Variants in ADAM32 observed in about 807,000 individuals in gnomAD.
The protein encoded by ADAM32 is ADAM metallopeptidase domain 32.
Under a neutral mutation model 114.9 loss-of-function variants are expected in ADAM32, and 89 were observed. That is an observed-to-expected ratio of 0.77 (90% confidence interval 0.65 to 0.92). The LOEUF is 0.92. Among genes scored for constraint, ADAM32 ranks in the 40% least tolerant of loss-of-function variants. The pLI, the probability that ADAM32 is intolerant of heterozygous loss-of-function variation, is 0.00. For missense variants in ADAM32, 870 were observed against 932.8 expected, an observed-to-expected ratio of 0.93 and a Z score of 0.88; for synonymous variants, 285 against 307.5, an observed-to-expected ratio of 0.93 and a Z score of 0.77.
At chr8:39,266,830 T>C (rs1812390286) in intron 19 of ADAM32, among the ~76,000 whole-genome samples, 1 of 152,222 alleles carries the variant, frequency 6.6e-6, no homozygotes, top group South Asian at 2.1e-4. Context: ...AGCTTTCTGC[T>C]TTTACATTCT....
intron 11 of ADAM32, among the ~76,000 whole-genome samples, chr8:39,192,648 G>T (rs949873097): frequency 8.5e-5 from 13 of 152,192 alleles, no homozygotes; most frequent in African/African-American, 3.1e-4. Context: ...GTAGTGGCTG[G>T]TAACGGTCTT....
intron 14 of ADAM32, among the ~76,000 whole-genome samples, chr8:39,230,822 T>C (rs1809691455): frequency 6.6e-6 from 1 of 152,154 alleles, no homozygotes; most frequent in Non-Finnish European, 1.5e-5. Context: ...GGAGAGGGAT[T>C]AGATGGGAAT....
chr8:39,154,825 G>C (rs1804042746), intron 6 of ADAM32, among the ~76,000 whole-genome samples: 1 of 150,782 alleles, frequency 6.6e-6, no homozygotes, highest in Non-Finnish European at 1.5e-5. Context: ...ATGTTTGTTG[G>C]TTGCATAAAT....
intron 10 of ADAM32, among the ~76,000 whole-genome samples, chr8:39,174,704 T>C (rs921787938): frequency 1.6e-4 from 22 of 141,444 alleles, no homozygotes; most frequent in African/African-American, 5.5e-4. Context: ...AGTTTTTTTT[T>C]CTAATTCTGT....
At chr8:39,171,440 TTC>T (rs1805183817) in intron 10 of ADAM32, among the ~76,000 whole-genome samples, 1 of 152,186 alleles carries the variant, frequency 6.6e-6, no homozygotes, top group Non-Finnish European at 1.5e-5. Context: ...CTTCGTGTGT[TTC>T]TCTGTTTATC....
intron 24 of ADAM32, among the ~76,000 whole-genome samples, chr8:39,284,376 C>T (rs986601564): frequency 5.6e-5 from 8 of 143,468 alleles, no homozygotes; most frequent in South Asian, 2.1e-4. Flanking sequence ...CACACACACA[C>T]GTACACACAC....
chr8:39,141,336 A>C (rs941269149), intron 3 of ADAM32, among the ~76,000 whole-genome samples: 3 of 152,276 alleles, frequency 2.0e-5, no homozygotes, highest in East Asian at 1.9e-4. Context: ...TAGTGCTATA[A>C]ATTTCCCTCT....
In ADAM32 at chr8:39,186,924, A is replaced by T; in HGVS notation, c.931A>T (p.Thr311Ser). Residue 311 changes from threonine (T) to serine (S), a missense_variant, in exon 11 of 25, where the codon ACT becomes TCT. Transcript: ENST00000379907. ...GTTATTATAGTACCCCAAGGAGATA[A>T]CTCTGGAGGCATTTGCAGTTATTGT... Reference protein sequence around the residue: ...AGVALYPKEITLEAFAVIVTQ... With the variant: ...AGVALYPKEISLEAFAVIVTQ... 6.2e-7 allele frequency: 1 copy of T among 1,610,774 alleles called. No homozygotes were observed. Among genetic ancestry groups the T allele is most frequent in the South Asian group, 1.1e-5 (1 of 90,384 alleles).
intron 11 of ADAM32, among the ~76,000 whole-genome samples, chr8:39,201,238 G>A (rs1258560329): frequency 2.6e-5 from 4 of 152,122 alleles, no homozygotes; most frequent in African/African-American, 9.7e-5. Flanking sequence ...TCACAATATT[G>A]ATTCTTCCTA....
chr8:39,122,982 TTTCTA>T (rs1160570948), intron 2 of ADAM32, among the ~76,000 whole-genome samples: 1 of 152,218 alleles, frequency 6.6e-6, no homozygotes, highest in Non-Finnish European at 1.5e-5. Context: ...TCTTCTGTGT[TTTCTA>T]CTAGCTCATA....
intron 12 of ADAM32, among the ~76,000 whole-genome samples, chr8:39,218,202 C>T (rs1044272938): frequency 5.3e-5 from 8 of 152,122 alleles, no homozygotes; most frequent in African/African-American, 1.9e-4. Flanking sequence ...TCTTTCCTTA[C>T]TTTCTCTCAA....
intron 22 of ADAM32, among the ~76,000 whole-genome samples, chr8:39,276,953 A>G (rs1400478581): frequency 1.3e-5 from 2 of 152,186 alleles, no homozygotes; most frequent in African/African-American, 4.8e-5. Flanking sequence ...ATAAGTGATC[A>G]ATAAATATTT....
chr8:39,136,596 A>G, intron 2 of ADAM32, 61 bp from the exon 3 acceptor site: 1 of 1,051,174 alleles, frequency 9.5e-7, no homozygotes, highest in South Asian at 1.6e-5. Flanking sequence ...TTGATATAAA[A>G]CTGTTGTTTT....
Position 39,136,663 on chromosome 8 carries a change from A to G in ADAM32, c.145A>G (p.Ile49Val). 1 of 1,534,556 alleles carries G rather than the reference A, an allele frequency of 6.5e-7. No individual in the cohort carries two copies. Among genetic ancestry groups the G allele is most frequent in the Non-Finnish European group, 8.8e-7 (1 of 1,139,644 alleles). Residue 49 changes from isoleucine to valine, a missense_variant, in exon 3 of 25, where the codon ATA becomes GTA. Transcript: ENST00000379907. ...NDSSEIEYEQ[I>V]SYIIPIDEKL... ...GTTGTTTTGAATTCTCTAGGAACAA[A>G]TATCCTATATTATTCCAATAGATGA...
chr8:39,115,628 T>C (rs4733975), intron 1 of ADAM32, among the ~76,000 whole-genome samples: 72,184 of 150,984 alleles, frequency 0.48, 18,237 homozygotes, highest in South Asian at 0.56. Flanking sequence ...AAGCTCCTTA[T>C]TGAGTCCAGA....
chr8:39,117,964 A>G (rs1369117855), intron 1 of ADAM32, 122 bp from the exon 2 acceptor site: 2 of 541,650 alleles, frequency 3.7e-6, no homozygotes, highest in Non-Finnish European at 6.3e-6. Context: ...CAAGCTTTTT[A>G]TAGAAGTACA....
Position 39,257,192 on chromosome 8 carries a change from A to G in ADAM32, c.2011A>G (p.Ile671Val). 1 of 1,573,944 alleles carries G rather than the reference A, an allele frequency of 6.4e-7. No individual in the cohort carries two copies. The highest frequency in any genetic ancestry group is 8.6e-7 in the Non-Finnish European group (1 of 1,161,168). Reference sequence around the variant, plus strand: ...TTTTGTATTTCTGTTTTTAGGTTCAATCATGGAAAGAGCATCTGGGAAGAC... The same window carrying G: ...TTTTGTATTTCTGTTTTTAGGTTCAGTCATGGAAAGAGCATCTGGGAAGAC... The part of the protein sequence containing the change: ...SIFPEEDMGS[I>V]MERASGKTEN... The change falls in exon 19 of 25, where the codon ATC becomes GTC. Residue 671 changes from isoleucine to valine, a missense_variant. Physicochemically the swap from Ile to Val is conservative, Grantham distance 29. Transcript: ENST00000379907.
chr8:39,215,237 G>C (rs1808481826), intron 12 of ADAM32, among the ~76,000 whole-genome samples: 1 of 151,832 alleles, frequency 6.6e-6, no homozygotes, highest in Non-Finnish European at 1.5e-5. Context: ...TTTTGATAGA[G>C]ATTGCATTGA....
chr8:39,232,202 T>G (rs1379296623), intron 15 of ADAM32, 67 bp downstream of exon 15: 1 of 1,240,910 alleles, frequency 8.1e-7, no homozygotes, highest in East Asian at 2.5e-5. Context: ...CTTTGCCCCC[T>G]TCTGTGTCAT....
Sources: gnomAD v4.1 joint callset for allele counts (sites outside exome capture counted in the v4.1 genomes callset) on GRCh38, gnomAD v4.1.1 for gene constraint, MANE v1.5 for transcripts, NCBI Gene and HGNC (gene_info 2026-07-23, HGNC 2026-07-21) for gene names.